PLA2G4A: variants seen among roughly 807,000 people sequenced by gnomAD.
The protein encoded by PLA2G4A is cytosolic phospholipase A2.
Under a neutral mutation model 81.9 loss-of-function variants are expected in PLA2G4A, and 40 were observed. The observed-to-expected ratio is 0.49, with a 90% confidence interval of 0.38 to 0.64. The LOEUF (loss-of-function observed/expected upper bound fraction) is 0.64. PLA2G4A is among the 30% of genes least tolerant of loss of function. PLA2G4A has a pLI of 0.00. For missense variants in PLA2G4A, 715 were observed against 905.1 expected, an observed-to-expected ratio of 0.79 and a Z score of 2.69; for synonymous variants, 302 against 296.9, an observed-to-expected ratio of 1.02 and a Z score of -0.18.
At chr1:186,938,419 T>C (rs1656029704) in intron 8 of PLA2G4A, among the ~76,000 whole-genome samples, 1 of 152,156 alleles carries the variant, frequency 6.6e-6, no homozygotes, top group Non-Finnish European at 1.5e-5. Flanking sequence ...AGACTTTATT[T>C]CTCTTTAGGA....
At chr1:186,967,099 T>C (rs1220518957) in intron 15 of PLA2G4A, among the ~76,000 whole-genome samples, 1 of 152,216 alleles carries the variant, frequency 6.6e-6, no homozygotes, top group Non-Finnish European at 1.5e-5. Context: ...GAATCAGTGA[T>C]AGCCCAGGTC....
chr1:186,938,422 C>T (rs771967644), intron 8 of PLA2G4A, among the ~76,000 whole-genome samples: 1 of 152,066 alleles, frequency 6.6e-6, no homozygotes, highest in East Asian at 1.9e-4. Flanking sequence ...CTTTATTTCT[C>T]TTTAGGATTT....
intron 1 of PLA2G4A, among the ~76,000 whole-genome samples, chr1:186,833,927 C>A (rs1375735374): frequency 3.3e-5 from 5 of 152,050 alleles, no homozygotes; most frequent in Non-Finnish European, 5.9e-5. Context: ...GATAATAGAC[C>A]AAATTGGCTC....
intron 10 of PLA2G4A, among the ~76,000 whole-genome samples, chr1:186,942,625 C>T (rs933038684): frequency 4.0e-5 from 6 of 151,670 alleles, no homozygotes; most frequent in South Asian, 2.1e-4. Context: ...GGACTTTTCA[C>T]GGTGGTTATA....
At chr1:186,848,285 C>T (rs1274640870) in intron 1 of PLA2G4A, among the ~76,000 whole-genome samples, 3 of 152,136 alleles carry the variant, frequency 2.0e-5, no homozygotes, top group Admixed American at 2.0e-4. Flanking sequence ...TATAAAAGTA[C>T]TGCTGAAGTA....
intron 1 of PLA2G4A, among the ~76,000 whole-genome samples, chr1:186,830,663 G>A (rs1169954817): frequency 7.0e-6 from 1 of 141,892 alleles, no homozygotes; most frequent in Non-Finnish European, 1.5e-5. Context: ...TTGCATTTTT[G>A]CATTTACATT....
At position 186,904,627 on chromosome 1, in the gene PLA2G4A, C is replaced by CAT. The variant is rs1654670363; in HGVS notation, c.379-2338_379-2337insAT. ...GTGACAAGAACCTTGGCAGCACAGC[C>CAT]TGTAACATTCAAAATGGCAGAAAAA... On this transcript the variant is annotated intron_variant, in intron 5 of 17. Coordinates refer to ENST00000367466, the MANE Select transcript of PLA2G4A (RefSeq NM_024420.3). Among the ~76,000 whole-genome samples, 8 of 152,354 alleles carry CAT rather than the reference C, an allele frequency of 5.3e-5. No individual in the cohort carries two copies. In the South Asian group the frequency reaches 1.7e-3, roughly 32 times the overall value.
chr1:186,845,714 C>A (rs1252149883), intron 1 of PLA2G4A, among the ~76,000 whole-genome samples: 3 of 152,174 alleles, frequency 2.0e-5, no homozygotes, highest in Non-Finnish European at 4.4e-5. Flanking sequence ...ACAAAACACT[C>A]TAGTCTGGGT....
rs1167466309 is a variant in PLA2G4A at position 186,850,193 on chromosome 1, AC to A, written c.-69-4092del. On this transcript the variant is annotated intron_variant, in intron 1 of 17. Transcript: ENST00000367466. ...TTAGCAAAAGTATCACATGAAACTT[AC>A]TTCTATATTTTAAATATTTGTCTGT... is the stretch of plus-strand genomic sequence containing the variant. Among the ~76,000 whole-genome samples, 3 of 152,284 alleles carry A rather than the reference AC, an allele frequency of 2.0e-5. No individual in the cohort carries two copies. In the East Asian group the frequency reaches 5.8e-4, roughly 29 times the overall value.
intron 2 of PLA2G4A, among the ~76,000 whole-genome samples, chr1:186,868,170 G>T (rs1653104382): frequency 6.6e-6 from 1 of 150,798 alleles, no homozygotes; most frequent in Middle Eastern, 3.5e-3. Context: ...TGCTGCCAGG[G>T]TTCAAGCAAT....
intron 7 of PLA2G4A, among the ~76,000 whole-genome samples, chr1:186,914,972 G>A (rs551358827): frequency 2.0e-5 from 3 of 152,304 alleles, no homozygotes; most frequent in Middle Eastern, 3.4e-3. Context: ...AACTAAAGTA[G>A]CGATGAAGCT....
intron 7 of PLA2G4A, 24 bp downstream of exon 7, chr1:186,911,413 T>C (rs1405925357): frequency 6.5e-7 from 1 of 1,528,766 alleles, no homozygotes; most frequent in South Asian, 1.1e-5. Flanking sequence ...TTTTCAAGTG[T>C]TACTATACTT....
chr1:186,878,603 A>G (rs1297338289), intron 3 of PLA2G4A, among the ~76,000 whole-genome samples: 1 of 151,812 alleles, frequency 6.6e-6, no homozygotes, highest in African/African-American at 2.4e-5. Context: ...TAGTGGAGAA[A>G]TATAATGTGT....
intron 3 of PLA2G4A, among the ~76,000 whole-genome samples, chr1:186,881,121 G>A (rs750639633): frequency 2.0e-5 from 3 of 151,926 alleles, no homozygotes; most frequent in Non-Finnish European, 2.9e-5. Flanking sequence ...GTGCTGTCTT[G>A]CTGACATCCA....
chr1:186,833,587 A>G (rs1304964379), intron 1 of PLA2G4A, among the ~76,000 whole-genome samples: 3 of 152,148 alleles, frequency 2.0e-5, no homozygotes, highest in Non-Finnish European at 4.4e-5. Flanking sequence ...AGCAGAGGTT[A>G]TTCTGGTCCT....
At chr1:186,857,601 G>T (rs1257470637) in intron 2 of PLA2G4A, among the ~76,000 whole-genome samples, 1 of 143,894 alleles carries the variant, frequency 6.9e-6, no homozygotes, top group East Asian at 2.0e-4. Flanking sequence ...TATATATTTA[G>T]TTTTTACATT....
intron 8 of PLA2G4A, among the ~76,000 whole-genome samples, chr1:186,934,461 T>TATATATATATATATATATATATATAC (rs1553216883): frequency 7.3e-6 from 1 of 137,688 alleles, no homozygotes. Context: ...TATATATATA[T>TATATATATATATATATATATATATAC]ATACATACAC....
intron 2 of PLA2G4A, among the ~76,000 whole-genome samples, chr1:186,865,252 T>C (rs1385452813): frequency 6.6e-6 from 1 of 151,906 alleles, no homozygotes; most frequent in African/African-American, 2.4e-5. Context: ...TGTTCCAAAT[T>C]AGGTGTTTTG....
intron 12 of PLA2G4A, among the ~76,000 whole-genome samples, chr1:186,948,599 C>T (rs542246346): frequency 2.6e-5 from 4 of 151,734 alleles, no homozygotes; most frequent in Admixed American, 6.6e-5. Flanking sequence ...ATCCAGATAA[C>T]CCAGGGTTTG....
Sources: allele counts gnomAD v4.1 joint callset (sites outside exome capture counted in the v4.1 genomes callset), GRCh38; gene constraint gnomAD v4.1.1; transcripts MANE v1.5; gene names NCBI Gene and HGNC (gene_info 2026-07-23, HGNC 2026-07-21).